ARHGEF11: variants seen among roughly 807,000 people sequenced by gnomAD.
ARHGEF11 encodes Rho guanine nucleotide exchange factor 11, also known as Rho guanine exchange factor (GEF) 11.
In ARHGEF11, 55 loss-of-function variants were observed where a neutral mutation model predicts 193.7. The observed-to-expected ratio is 0.28, with a 90% CI of 0.23 to 0.36. ARHGEF11 has a LOEUF of 0.36. Among genes scored for constraint, ARHGEF11 ranks in the 10% least tolerant of loss-of-function variants. ARHGEF11 has a pLI of 1.00. For missense variants in ARHGEF11, 1,723 were observed against 2,005.6 expected (o/e 0.86, Z 2.69); for synonymous variants, 693 against 768.0 (o/e 0.90, Z 1.62).
At chr1:157,001,937 C>T (rs1557934360) in intron 1 of ARHGEF11, among the ~76,000 whole-genome samples, 1 of 152,204 alleles carries the variant, frequency 6.6e-6, no homozygotes. Flanking sequence ...TCACGCAGCA[C>T]AGTTTAAATA....
chr1:156,970,367 A>G (rs954213801), intron 8 of ARHGEF11, among the ~76,000 whole-genome samples: 7 of 152,220 alleles, frequency 4.6e-5, no homozygotes, highest in Non-Finnish European at 7.3e-5. Context: ...AAAAGACTCA[A>G]GCAGGTGACC....
chr1:156,951,756 A>G (rs2102000190), intron 21 of ARHGEF11, 57 bp from the exon 22 acceptor site: 2 of 1,606,696 alleles, frequency 1.2e-6, no homozygotes, highest in South Asian at 2.2e-5. Flanking sequence ...ATGGCTTCTC[A>G]GGCTTGGACT....
chr1:157,008,406 G>GCACACACACACACA lies in ARHGEF11; in HGVS notation c.33-22247_33-22234dup, dbSNP rs60934928. Among the ~76,000 whole-genome samples the GCACACACACACACA allele has an allele frequency of 4.5e-3, 672 of 149,212 alleles. 5 individuals carry two copies. Among genetic ancestry groups the GCACACACACACACA allele is most frequent in the African/African-American group, 0.016 (645 of 40,444 alleles). On this transcript the variant is annotated intron_variant, in intron 1 of 40. Transcript: ENST00000368194. ...GAGACATCAGGAAGCTTGCACGCAC[G>GCACACACACACACA]CACACACACACACACACACACACAC...
At position 156,938,316 on chromosome 1, in the gene ARHGEF11, T is replaced by C. The variant is rs923092640; in HGVS notation, c.4192+102A>G. The C allele has an allele frequency of 3.7e-6, 4 of 1,072,412 alleles. No individual in the cohort carries two copies. In the African/African-American group the frequency reaches 6.3e-5, roughly 17 times the overall value. 66.4% of individuals were successfully genotyped at this position (1,072,412 alleles called of 1,614,324 possible). On this transcript the variant is annotated intron_variant, in intron 38 of 40. Transcript: ENST00000368194. ...CCCCATTCCAGGCAGCTGAGGGAGC[T>C]TGTGGGTGTGTGTGTGACCATGGGC...
At chr1:156,973,804 C>G (rs1662873968) in intron 7 of ARHGEF11, among the ~76,000 whole-genome samples, 1 of 152,196 alleles carries the variant, frequency 6.6e-6, no homozygotes, top group Non-Finnish European at 1.5e-5. Flanking sequence ...GACAAGTCTC[C>G]CATTGCTATC....
rs1465445004 is a variant in ARHGEF11 at position 156,951,639 on chromosome 1, G to T, written c.1859C>A (p.Ala620Asp). The change falls in exon 22 of 41, where the codon GCC (alanine) becomes GAC (aspartate). Residue 620 changes from alanine (A) to aspartate (D), a missense_variant. This residue lies in a region of ARHGEF11 where 491 missense variants were observed against 654.5 expected (regional missense o/e 0.75). Coordinates refer to ENST00000368194, the MANE Select transcript of ARHGEF11 (RefSeq NM_198236.3). ...QHFENNQQYD[A>D]PEPGTQRLST... The stretch of plus-strand genomic sequence containing the variant: ...GAGTCGTTGTGTCCCAGGTTCTGGG[G>T]CATCATACTGCTGGTTGTTCTCAAA... 1 of 1,614,186 alleles carries T rather than the reference G, an allele frequency of 6.2e-7. No homozygotes were observed. Among genetic ancestry groups the T allele is most frequent in the South Asian group, 1.1e-5 (1 of 91,084 alleles).
chr1:156,938,321 GGT>G (rs1050336980), intron 38 of ARHGEF11, 95 bp downstream of exon 38: 57 of 1,108,424 alleles, frequency 5.1e-5, no homozygotes, highest in Admixed American at 1.3e-4. Context: ...GGAGCTTGTG[GGT>G]GTGTGTGTGA....
intron 18 of ARHGEF11, among the ~76,000 whole-genome samples, chr1:156,956,893 A>G (rs1273178654): frequency 2.0e-5 from 3 of 152,100 alleles, no homozygotes; most frequent in Admixed American, 2.0e-4. Context: ...GTAAGTAAAT[A>G]ATTTCCTGCC....
rs745396302 is a variant in ARHGEF11 at position 156,969,980 on chromosome 1, G to A, written c.748+18C>T. On this transcript the variant is annotated intron_variant, in intron 9 of 40. Coordinates refer to ENST00000368194, the MANE Select transcript of ARHGEF11 (RefSeq NM_198236.3). ...ACTAGAGATATGCCAGAGAAAAAAG[G>A]GGTGATGGGGGACTTACCTTCTGAT... The A allele has an allele frequency of 3.1e-6, 5 of 1,613,532 alleles. No individual in the cohort carries two copies. Among genetic ancestry groups the A allele is most frequent in the Admixed American group, 1.7e-5 (1 of 60,018 alleles).
chr1:156,941,575 A>C (rs1451620002), intron 34 of ARHGEF11, 142 bp from the exon 35 acceptor site: 2 of 979,362 alleles, frequency 2.0e-6, no homozygotes, highest in East Asian at 5.2e-5. Context: ...CCCAGAGAGG[A>C]GGGGGGCTGC....
At chr1:157,006,709 G>A (rs541915586) in intron 1 of ARHGEF11, among the ~76,000 whole-genome samples, 1 of 152,316 alleles carries the variant, frequency 6.6e-6, no homozygotes, top group Admixed American at 6.5e-5. Flanking sequence ...CAGAAAGGCA[G>A]AGACTGAGAA....
chr1:156,965,814 G>A (rs1355671341), intron 11 of ARHGEF11, among the ~76,000 whole-genome samples: 1 of 152,152 alleles, frequency 6.6e-6, no homozygotes, highest in Non-Finnish European at 1.5e-5. Context: ...GTTCACTTAG[G>A]CCATGATCCT....
chr1:156,963,795 G>A (rs1661320830), intron 11 of ARHGEF11: 3 of 1,412,974 alleles, frequency 2.1e-6, no homozygotes, highest in East Asian at 5.2e-5. Flanking sequence ...GCTTCTGGGT[G>A]GGGCAGGGCA....
At chr1:157,014,433 G>A (rs1332970059) in intron 1 of ARHGEF11, among the ~76,000 whole-genome samples, 2 of 151,714 alleles carry the variant, frequency 1.3e-5, no homozygotes, top group Non-Finnish European at 1.5e-5. Context: ...TTTGAGACAG[G>A]GTCTTGCTCT....
intron 1 of ARHGEF11, among the ~76,000 whole-genome samples, chr1:157,036,264 C>A (rs1672034921): frequency 6.7e-6 from 1 of 149,394 alleles, no homozygotes; most frequent in Non-Finnish European, 1.5e-5. Context: ...TCTCCTCAAA[C>A]CATGACCCAA....
chr1:157,007,432 C>T (rs969478398), intron 1 of ARHGEF11, among the ~76,000 whole-genome samples: 2 of 152,162 alleles, frequency 1.3e-5, no homozygotes, highest in African/African-American at 4.8e-5. Flanking sequence ...TTCCCAGACT[C>T]AGGCAGTACT....
At chr1:156,984,239 A>T in intron 3 of ARHGEF11, 100 bp downstream of exon 3, 1 of 965,218 alleles carries the variant, frequency 1.0e-6, no homozygotes, top group Non-Finnish European at 1.6e-6. Flanking sequence ...AGAGTAATTC[A>T]TTCATGCCCC....
intron 1 of ARHGEF11, among the ~76,000 whole-genome samples, chr1:157,011,145 A>G (rs1275698306): frequency 6.6e-6 from 1 of 152,234 alleles, no homozygotes; most frequent in Non-Finnish European, 1.5e-5. Flanking sequence ...AAGGATAGAC[A>G]TAGATCAATA....
intron 20 of ARHGEF11, among the ~76,000 whole-genome samples, 194 bp downstream of exon 20, chr1:156,955,509 C>T (rs1659824024): frequency 6.6e-6 from 1 of 152,162 alleles, no homozygotes; most frequent in African/African-American, 2.4e-5. Flanking sequence ...CACGGCTTCC[C>T]TGGCTCGGAA....
Sources: allele counts gnomAD v4.1 joint callset (sites outside exome capture counted in the v4.1 genomes callset), GRCh38; gene constraint gnomAD v4.1.1; regional missense constraint gnomAD v4.1.1; transcripts MANE v1.5; gene names NCBI Gene and HGNC (gene_info 2026-07-23, HGNC 2026-07-21).